Variants in NR3C1 observed in about 807,000 individuals in gnomAD.
NR3C1 encodes the protein nuclear receptor subfamily 3 group C member 1.
Under a neutral mutation model 74.0 loss-of-function variants are expected in NR3C1, and 14 were observed. The ratio of observed to expected loss-of-function variants is 0.19; its 90% CI spans 0.12 to 0.30. The LOEUF (loss-of-function observed/expected upper bound fraction) is 0.30. Among genes scored for constraint, NR3C1 ranks in the 10% least tolerant of loss-of-function variants. The pLI is 1.00. For missense variants in NR3C1, 695 were observed against 909.8 expected (o/e 0.76, Z 3.04); for synonymous variants, 308 against 332.5 (o/e 0.93, Z 0.80).
At chr5:143,379,491 A>G (rs1310382225) in intron 2 of NR3C1, among the ~76,000 whole-genome samples, 1 of 152,198 alleles carries the variant, frequency 6.6e-6, no homozygotes, top group Non-Finnish European at 1.5e-5. Flanking sequence ...GAAGGATCAG[A>G]ATTTTAAATA....
chr5:143,367,356 A>C (rs1385047888), intron 2 of NR3C1, among the ~76,000 whole-genome samples: 1 of 152,202 alleles, frequency 6.6e-6, no homozygotes, highest in African/African-American at 2.4e-5. Flanking sequence ...CAACACAAAG[A>C]TGCTCATTCT....
At chr5:143,414,339 T>G (rs1841410799) in intron 1 of NR3C1, among the ~76,000 whole-genome samples, 3 of 152,166 alleles carry the variant, frequency 2.0e-5, no homozygotes, top group Admixed American at 2.0e-4. Context: ...GCTCCTTCTG[T>G]CTTGACAAGC....
intron 1 of NR3C1, chr5:143,434,479 T>G (rs1306149001): frequency 1.9e-5 from 18 of 942,936 alleles, no homozygotes; most frequent in South Asian, 1.5e-4. Flanking sequence ...ACAAGTAACT[T>G]TGTTAGAACT....
rs916811588 is a variant in NR3C1, at chr5:143,320,339, T to A, written c.1185-6171A>T. 2.0e-5 allele frequency among the ~76,000 whole-genome samples: 3 copies of A among 152,338 alleles called. No individual in the cohort carries two copies. The East Asian group carries it at 5.8e-4, about 29-fold the overall frequency. ...TTGCATTTATTGAGAGAGGTTTGCATTGGTTTCAACTTTAGGTTCTTATTA... is the reference window on the plus strand; with the variant it reads ...TTGCATTTATTGAGAGAGGTTTGCAATGGTTTCAACTTTAGGTTCTTATTA... On this transcript the variant is annotated intron_variant, in intron 2 of 8. Transcript: ENST00000394464.
At chr5:143,343,540 A>C (rs1485838153) in intron 2 of NR3C1, among the ~76,000 whole-genome samples, 1 of 152,258 alleles carries the variant, frequency 6.6e-6, no homozygotes, top group Non-Finnish European at 1.5e-5. Context: ...ATGCAAACTC[A>C]GAGAAGTTAA....
rs200364416 is a variant in NR3C1, at chr5:143,399,756, C to T, written c.1084G>A (p.Glu362Lys). The T allele has an allele frequency of 8.1e-5, 131 of 1,614,150 alleles. No individual in the cohort carries two copies. Among genetic ancestry groups the T allele is most frequent in the Middle Eastern group, 4.9e-4 (3 of 6,062 alleles). ...GATCCTTGGCACCTATTCCAATTTT[C>T]GGAACCAACGGGAATTGGTGGAATG... is the stretch of plus-strand genomic sequence containing the variant. ...NVIPPIPVGS[E>K]NWNRCQGSGD... Residue 362 changes from glutamate to lysine, a missense_variant, in exon 2 of 9, where the codon GAA becomes AAA. Around this residue, in one of 4 missense-constraint regions of NR3C1, gnomAD observed 497 missense variants for 489.5 expected, o/e 1.02. Transcript: ENST00000394464.
At chr5:143,384,785 A>G (rs1836871614) in intron 2 of NR3C1, among the ~76,000 whole-genome samples, 1 of 152,164 alleles carries the variant, frequency 6.6e-6, no homozygotes, top group Admixed American at 6.5e-5. Context: ...CAGCTTTTCC[A>G]GGCACATGGT....
At chr5:143,429,141 C>T (rs1027969359) in intron 1 of NR3C1, among the ~76,000 whole-genome samples, 1 of 152,176 alleles carries the variant, frequency 6.6e-6, no homozygotes, top group Admixed American at 6.5e-5. Context: ...ATGTGTACCA[C>T]TCACATATAC....
At chr5:143,369,946 T>A (rs1833957244) in intron 2 of NR3C1, among the ~76,000 whole-genome samples, 1 of 152,222 alleles carries the variant, frequency 6.6e-6, no homozygotes, top group Non-Finnish European at 1.5e-5. Flanking sequence ...AAGTTTAAAG[T>A]GCACCTTGGA....
chr5:143,313,635 G>A (rs1009631966), intron 3 of NR3C1, among the ~76,000 whole-genome samples: 2 of 151,792 alleles, frequency 1.3e-5, no homozygotes, highest in Admixed American at 6.6e-5. Context: ...GGCCAGTAAA[G>A]TTGGTGACTT....
intron 2 of NR3C1, among the ~76,000 whole-genome samples, chr5:143,360,211 C>T (rs1413103720): frequency 5.9e-5 from 9 of 152,158 alleles, no homozygotes; most frequent in Non-Finnish European, 8.8e-5. Context: ...TTTTTCATAG[C>T]ACAGTATTTG....
At chr5:143,388,923 T>G (rs974684605) in intron 2 of NR3C1, among the ~76,000 whole-genome samples, 5 of 152,228 alleles carry the variant, frequency 3.3e-5, no homozygotes, top group African/African-American at 4.8e-5. Flanking sequence ...CATCCATTAG[T>G]TGCTGAAGTC....
upstream of NR3C1, chr5:143,404,363 G>T: frequency 1.0e-6 from 1 of 985,226 alleles, no homozygotes; most frequent in Non-Finnish European, 1.2e-6. Context: ...AGCGGGGGTC[G>T]GCGCATACGT....
At chr5:143,422,992 A>T (rs1405936121) in intron 1 of NR3C1, among the ~76,000 whole-genome samples, 1 of 152,082 alleles carries the variant, frequency 6.6e-6, no homozygotes, top group Non-Finnish European at 1.5e-5. Context: ...TAGTGGTTTC[A>T]TACTTGCAGG....
At chr5:143,359,687 A>G in intron 2 of NR3C1, among the ~76,000 whole-genome samples, 1 of 152,130 alleles carries the variant, frequency 6.6e-6, no homozygotes, top group Non-Finnish European at 1.5e-5. Flanking sequence ...GAAGGCTGAG[A>G]CAGACAGATC....
In NR3C1 at chr5:143,400,590, G is replaced by A. The variant is rs770476389; in HGVS notation, c.250C>T (p.Leu84Phe). 2 of 1,614,248 alleles carry A rather than the reference G, an allele frequency of 1.2e-6. No individual in the cohort carries two copies. The highest frequency in any genetic ancestry group is 1.7e-5 in the Admixed American group (1 of 60,028). ...TCTCCCATATACAGTCCCATTGAGA[G>A]TGAAACTGCTTTGGACAGATCTGGC... ...QQPDLSKAVSLSMGLYMGETE... is the reference protein window; with the variant it reads ...QQPDLSKAVSFSMGLYMGETE... The change falls in exon 2 of 9, where the codon CTC becomes TTC. Residue 84 changes from leucine to phenylalanine, a missense_variant. Coordinates refer to ENST00000394464, the MANE Select transcript of NR3C1 (RefSeq NM_000176.3).
At chr5:143,343,865 C>T (rs560359002) in intron 2 of NR3C1, among the ~76,000 whole-genome samples, 1 of 152,268 alleles carries the variant, frequency 6.6e-6, no homozygotes, top group East Asian at 1.9e-4. Context: ...CTTTCAAATA[C>T]AGCAAATTAT....
At chr5:143,310,994 A>G (rs899306227) in intron 3 of NR3C1, among the ~76,000 whole-genome samples, 2 of 152,212 alleles carry the variant, frequency 1.3e-5, no homozygotes, top group Admixed American at 1.3e-4. Flanking sequence ...TTTGGGGTAG[A>G]TGGTTAACTG....
intron 1 of NR3C1, among the ~76,000 whole-genome samples, chr5:143,431,803 G>C (rs114997991): frequency 1.5e-3 from 236 of 152,324 alleles, no homozygotes; most frequent in Non-Finnish European, 2.6e-3. Context: ...AGGTGCAGTG[G>C]GTTGATTTGG....
Sources: allele counts gnomAD v4.1 joint callset (sites outside exome capture counted in the v4.1 genomes callset), GRCh38; gene constraint gnomAD v4.1.1; regional missense constraint gnomAD v4.1.1; transcripts MANE v1.5; gene names NCBI Gene and HGNC (gene_info 2026-07-23, HGNC 2026-07-21).